The following GRIP1 variants were observed in gnomAD, a reference collection of about 807,000 sequenced individuals.
GRIP1 encodes the protein glutamate receptor-interacting protein 1.
A neutral mutation model predicts 129.9 loss-of-function variants in GRIP1; 45 were observed. That is an observed-to-expected ratio of 0.35 (90% confidence interval 0.27 to 0.44). The LOEUF (loss-of-function observed/expected upper bound fraction) is 0.44. Ranked by LOEUF, GRIP1 falls within the 20% of genes least tolerant of loss-of-function variation. The probability of loss-of-function intolerance (pLI) is 1.00; values close to 1 mark genes in which losing one functional copy is unlikely to be tolerated. For missense variants in GRIP1, 1,196 were observed against 1,396.8 expected (o/e 0.86, Z 2.29); for synonymous variants, 530 against 520.8 (o/e 1.02, Z -0.24).
intron 1 of GRIP1, among the ~76,000 whole-genome samples, chr12:66,599,080 A>G (rs963012800): frequency 6.6e-6 from 1 of 152,180 alleles, no homozygotes; most frequent in Non-Finnish European, 1.5e-5. Context: ...AGTCTAGTTG[A>G]GCACATCTTT....
At chr12:66,445,863 G>A (rs2058608979) in intron 11 of GRIP1, among the ~76,000 whole-genome samples, 1 of 152,124 alleles carries the variant, frequency 6.6e-6, no homozygotes, top group South Asian at 2.1e-4. Flanking sequence ...GTCTCTTTGT[G>A]TGTCTATATC....
chr12:66,940,139 G>A (rs1304482819), intron 1 of GRIP1, among the ~76,000 whole-genome samples: 1 of 151,422 alleles, frequency 6.6e-6, no homozygotes, highest in African/African-American at 2.4e-5. Context: ...GGATAACAAT[G>A]ATAACAACCT....
At chr12:66,446,597 C>G (rs1462059531) in intron 11 of GRIP1, among the ~76,000 whole-genome samples, 1 of 152,200 alleles carries the variant, frequency 6.6e-6, no homozygotes, top group East Asian at 1.9e-4. Context: ...TGCTCTGTCT[C>G]ATTTTCAAGC....
chr12:66,768,449 A>G (rs943921011), intron 1 of GRIP1, among the ~76,000 whole-genome samples: 6 of 152,178 alleles, frequency 3.9e-5, no homozygotes, highest in African/African-American at 1.4e-4. Flanking sequence ...CCGTGGCAAT[A>G]AAGACTAGAA....
intron 1 of GRIP1, among the ~76,000 whole-genome samples, chr12:67,004,141 G>A (rs144730384): frequency 0.014 from 2,144 of 152,268 alleles, 59 homozygotes; most frequent in African/African-American, 0.049. Flanking sequence ...AATCTGCAAA[G>A]ACTCTTTATC....
intron 1 of GRIP1, among the ~76,000 whole-genome samples, chr12:66,697,061 T>C (rs2035190650): frequency 6.6e-6 from 1 of 152,132 alleles, no homozygotes; most frequent in African/African-American, 2.4e-5. Flanking sequence ...GTGATCCCAG[T>C]GCCTGACATA....
intron 4 of GRIP1, among the ~76,000 whole-genome samples, chr12:66,530,280 T>C (rs1230269896): frequency 6.6e-6 from 1 of 152,224 alleles, no homozygotes; most frequent in Non-Finnish European, 1.5e-5. Context: ...AAAAACAATA[T>C]TTTTGTAACA....
intron 1 of GRIP1, among the ~76,000 whole-genome samples, chr12:66,970,432 G>A (rs1425518515): frequency 6.6e-6 from 1 of 151,966 alleles, no homozygotes; most frequent in African/African-American, 2.4e-5. Context: ...CAGATAACAG[G>A]AAATGAGGCA....
chr12:66,454,845 G>A (rs926492356), intron 11 of GRIP1, among the ~76,000 whole-genome samples: 10 of 152,200 alleles, frequency 6.6e-5, no homozygotes, highest in Non-Finnish European at 1.5e-4. Flanking sequence ...TAGGCTTCTG[G>A]AAAAAGTATT....
intron 7 of GRIP1, among the ~76,000 whole-genome samples, chr12:66,477,830 G>A (rs374357585): frequency 4.6e-5 from 7 of 152,182 alleles, no homozygotes; most frequent in Admixed American, 2.6e-4. Flanking sequence ...GCCATAGGTA[G>A]AAAGCTGAAA....
intron 1 of GRIP1, among the ~76,000 whole-genome samples, chr12:66,980,113 G>C (rs1028202157): frequency 6.6e-6 from 1 of 152,098 alleles, no homozygotes; most frequent in Non-Finnish European, 1.5e-5. Context: ...TCACAATCTG[G>C]TACCACGCAC....
chr12:66,611,600 C>T (rs2064794815), intron 1 of GRIP1, among the ~76,000 whole-genome samples: 1 of 152,110 alleles, frequency 6.6e-6, no homozygotes, highest in East Asian at 1.9e-4. Context: ...AATAGCTGTT[C>T]TATGACTAGT....
chr12:67,003,798 G>T (rs1856193952), intron 1 of GRIP1, among the ~76,000 whole-genome samples: 1 of 152,066 alleles, frequency 6.6e-6, no homozygotes, highest in Non-Finnish European at 1.5e-5. Flanking sequence ...ATTATCAAAA[G>T]AAAGAAAATA....
At position 66,460,838 on chromosome 12, in the gene GRIP1, A is replaced by G. The variant is rs922088664; in HGVS notation, c.1042+2086T>C. On this transcript the variant is annotated intron_variant, in intron 9 of 24. Coordinates refer to ENST00000359742, the MANE Select transcript of GRIP1 (RefSeq NM_001366722.1). ...TCAAAAATTTGAGAATTGTAAACAC[A>G]ATAATAATTTTTTGTTTGTTTTTCT... is the stretch of plus-strand genomic sequence containing the variant. 3.3e-5 allele frequency among the ~76,000 whole-genome samples: 5 copies of G among 152,068 alleles called. No individual in the cohort carries two copies. In the East Asian group the frequency reaches 9.6e-4, roughly 29 times the overall value.
At chr12:66,948,824 C>T (rs183261820) in intron 1 of GRIP1, among the ~76,000 whole-genome samples, 96 of 150,796 alleles carry the variant, frequency 6.4e-4, no homozygotes, top group African/African-American at 2.2e-3. Flanking sequence ...TCCTAACTTC[C>T]TACCACAGAA....
At chr12:66,844,877 CAT>C (rs1482574853) in intron 1 of GRIP1, among the ~76,000 whole-genome samples, 3 of 152,144 alleles carry the variant, frequency 2.0e-5, no homozygotes, top group African/African-American at 7.2e-5. Context: ...AGAAATATCA[CAT>C]GATTCCATTT....
chr12:66,389,756 T>C (rs1355542032), intron 19 of GRIP1, among the ~76,000 whole-genome samples: 1 of 152,198 alleles, frequency 6.6e-6, no homozygotes, highest in Admixed American at 6.5e-5. Flanking sequence ...CCAGCTTGCT[T>C]TGCTCCGGGC....
At chr12:66,470,171 C>T (rs188741054) in intron 7 of GRIP1, among the ~76,000 whole-genome samples, 100 of 152,300 alleles carry the variant, frequency 6.6e-4, no homozygotes, top group Non-Finnish European at 4.4e-5. Context: ...TATCTCATCA[C>T]GTTAATCCCA....
chr12:66,719,861 A>G (rs2036006138), intron 1 of GRIP1, among the ~76,000 whole-genome samples: 1 of 152,216 alleles, frequency 6.6e-6, no homozygotes, highest in Admixed American at 6.5e-5. Flanking sequence ...CCTTGGGGTC[A>G]TTCTAATTAA....
Sources: allele counts gnomAD v4.1 joint callset (sites outside exome capture counted in the v4.1 genomes callset), GRCh38; gene constraint gnomAD v4.1.1; transcripts MANE v1.5; gene names NCBI Gene and HGNC (gene_info 2026-07-23, HGNC 2026-07-21).